Variants in PRRC2C observed in about 807,000 individuals in gnomAD.
PRRC2C encodes the protein protein PRRC2C.
Under a neutral mutation model 317.2 loss-of-function variants are expected in PRRC2C, and 72 were observed. That is an observed-to-expected ratio of 0.23 (90% CI 0.19 to 0.28). PRRC2C has a LOEUF of 0.28. Ranked by LOEUF, PRRC2C falls within the 10% of genes least tolerant of loss-of-function variation. The pLI is 1.00. For missense variants in PRRC2C, 3,074 were observed against 3,459.7 expected (o/e 0.89, Z 2.80); for synonymous variants, 1,296 against 1,205.9 (o/e 1.07, Z -1.55).
chr1:171,532,617 A>G lies in PRRC2C; in HGVS notation c.1529A>G (p.Glu510Gly). Residue 510 changes from glutamate to glycine, a missense_variant, in exon 12 of 35, where the codon GAG (glutamate) becomes GGG (glycine). By Grantham distance (98) the Glu-to-Gly change is moderately conservative. This residue lies in a region of PRRC2C where 1,320 missense variants were observed against 1,395.7 expected (regional missense o/e 0.95). Coordinates refer to ENST00000647382, the MANE Select transcript of PRRC2C (RefSeq NM_001387844.1). ...QPSPEEIREREREKEREREKE... is the reference protein window; with the variant it reads ...QPSPEEIRERGREKEREREKE... ...TCTCCAGAGGAAATTAGGGAAAGGG[A>G]GCGAGAAAAAGAACGGGAGCGTGAG... The G allele has an allele frequency of 3.9e-6, 6 of 1,553,338 alleles. No individual in the cohort carries two copies. Among genetic ancestry groups the G allele is most frequent in the Non-Finnish European group, 5.2e-6 (6 of 1,147,964 alleles).
At chr1:171,566,128 A>C in intron 20 of PRRC2C, 105 bp from the exon 21 acceptor site, 1 of 853,644 alleles carries the variant, frequency 1.2e-6, no homozygotes. Flanking sequence ...GTTAATATGT[A>C]GATTGTCTTA....
chr1:171,583,668 T>TA (rs1203473403), intron 28 of PRRC2C, among the ~76,000 whole-genome samples: 1 of 152,228 alleles, frequency 6.6e-6, no homozygotes, highest in Admixed American at 6.5e-5. Context: ...ACTGAACTGT[T>TA]AGGACTGTAG....
intron 1 of PRRC2C, among the ~76,000 whole-genome samples, chr1:171,490,603 C>T (rs545521117): frequency 6.6e-5 from 10 of 152,010 alleles, no homozygotes; most frequent in Non-Finnish European, 1.5e-4. Context: ...AAGGGAAGAA[C>T]AAGACAAAAT....
rs992637396 is a variant in PRRC2C at position 171,488,973 on chromosome 1, A to G, written c.-58+3238A>G. ...AACTATTGGGTATTATGTATGTAGC[A>G]TACTACATAGCAATATGTACTACAT... On this transcript the variant is annotated intron_variant, in intron 1 of 34. Coordinates refer to ENST00000647382, the MANE Select transcript of PRRC2C (RefSeq NM_001387844.1). Among the ~76,000 whole-genome samples, 3 of 152,208 alleles carry G rather than the reference A, an allele frequency of 2.0e-5. No individual in the cohort carries two copies. In the South Asian group the frequency reaches 6.2e-4, roughly 32 times the overall value.
intron 26 of PRRC2C, 137 bp from the exon 27 acceptor site, chr1:171,579,217 T>C (rs1647946566): frequency 8.2e-7 from 1 of 1,224,008 alleles, no homozygotes; most frequent in East Asian, 2.6e-5. Context: ...TTGTCACGTT[T>C]TTAGTTTTTC....
chr1:171,570,642 AAT>A (rs895222205), intron 23 of PRRC2C, among the ~76,000 whole-genome samples: 1 of 152,198 alleles, frequency 6.6e-6, no homozygotes, highest in African/African-American at 2.4e-5. Flanking sequence ...GTGAGTTTCT[AAT>A]ATCTTAAAGT....
chr1:171,508,746 T>C (rs1670726118), intron 1 of PRRC2C, among the ~76,000 whole-genome samples: 1 of 152,268 alleles, frequency 6.6e-6, no homozygotes, highest in Non-Finnish European at 1.5e-5. Context: ...GCTTGCTTAC[T>C]AACATTTCTC....
At chr1:171,496,837 G>C (rs1668203939) in intron 1 of PRRC2C, among the ~76,000 whole-genome samples, 1 of 150,634 alleles carries the variant, frequency 6.6e-6, no homozygotes, top group Admixed American at 6.6e-5. Context: ...GTCTCACTCT[G>C]TTACCCAGGC....
At position 171,569,329 on chromosome 1, in the gene PRRC2C, A is replaced by G. The variant is rs780384108; in HGVS notation, c.6651+990A>G. 7.3e-5 allele frequency among the ~76,000 whole-genome samples: 11 copies of G among 151,488 alleles called. 1 individual carries two copies. The highest frequency in any genetic ancestry group is 4.2e-4 in the South Asian group (2 of 4,802). On this transcript the variant is annotated intron_variant, in intron 23 of 34. Coordinates refer to ENST00000647382, the MANE Select transcript of PRRC2C (RefSeq NM_001387844.1). ...TTTATTATCTTCTTACTTTTTTTCT[A>G]TGCTTTCTATTCTTCCCTCTAGCAT...
At chr1:171,521,872 T>C (rs930078082) in intron 6 of PRRC2C, among the ~76,000 whole-genome samples, 1 of 152,244 alleles carries the variant, frequency 6.6e-6, no homozygotes, top group Non-Finnish European at 1.5e-5. Flanking sequence ...ATCTCATTGA[T>C]ACAGTTACTT....
chr1:171,587,940 T>G (rs184301729), intron 32 of PRRC2C, among the ~76,000 whole-genome samples, 189 bp downstream of exon 32: 334 of 152,324 alleles, frequency 2.2e-3, no homozygotes, highest in African/African-American at 7.8e-3. Flanking sequence ...TACTATATTT[T>G]AAGTAAATTC....
At chr1:171,525,055 G>T in intron 10 of PRRC2C, 90 bp downstream of exon 10, 1 of 1,089,180 alleles carries the variant, frequency 9.2e-7, no homozygotes, top group South Asian at 2.7e-5. Context: ...TCTTACCACA[G>T]AGTGGAACGG....
Position 171,514,646 on chromosome 1 carries a change from G to C in PRRC2C, c.400+1G>C. 6.4e-7 allele frequency: 1 copy of C among 1,554,236 alleles called. No individual in the cohort carries two copies. The highest frequency in any genetic ancestry group is 8.7e-7 in the Non-Finnish European group (1 of 1,148,386). On this transcript the variant is annotated splice_donor_variant, in intron 4 of 34. Coordinates refer to ENST00000647382, the MANE Select transcript of PRRC2C (RefSeq NM_001387844.1). LOFTEE classifies it high-confidence loss of function. The stretch of plus-strand genomic sequence containing the variant: ...AACAAGCAAGGTGGGCAAGGAGATG[G>C]TAAGTGGACATTAGTTGGGGAAGCT...
At chr1:171,573,772 G>A (rs926150193) in intron 24 of PRRC2C, among the ~76,000 whole-genome samples, 6 of 135,780 alleles carry the variant, frequency 4.4e-5, no homozygotes, top group African/African-American at 1.1e-4. Flanking sequence ...TCTGCCTCCC[G>A]GGTTCACGCA....
At chr1:171,527,722 C>G in intron 10 of PRRC2C, 69 bp from the exon 11 acceptor site, 1 of 1,365,856 alleles carries the variant, frequency 7.3e-7, no homozygotes, top group African/African-American at 1.4e-5. Flanking sequence ...TGCCACTGCA[C>G]TCCAGCATGG....
At chr1:171,557,061 A>G (rs878924483) in intron 18 of PRRC2C, among the ~76,000 whole-genome samples, 179 bp from the exon 19 acceptor site, 2 of 151,762 alleles carry the variant, frequency 1.3e-5, no homozygotes, top group South Asian at 4.1e-4. Context: ...CTTTTGTCTC[A>G]ATATCATTTT....
Position 171,557,564 on chromosome 1 carries a change from T to G in PRRC2C, c.5452T>G (p.Ser1818Ala). The part of the protein sequence containing the change: ...LAPVSASASV[S>A]ASVPASTSAA... Reference sequence around the variant, plus strand: ...TCCAGTTTCAGCCTCAGCCTCAGTCTCAGCTTCAGTTCCAGCCTCTACTTC... The same window carrying G: ...TCCAGTTTCAGCCTCAGCCTCAGTCGCAGCTTCAGTTCCAGCCTCTACTTC... Residue 1818 changes from serine to alanine, a missense_variant, in exon 19 of 35, where the codon TCA (serine) becomes GCA (alanine). Physicochemically the swap from Ser to Ala is moderately conservative, Grantham distance 99. Coordinates refer to ENST00000647382, the MANE Select transcript of PRRC2C (RefSeq NM_001387844.1). 1 of 1,551,102 alleles carries G rather than the reference T, an allele frequency of 6.4e-7. No homozygotes were observed. Among genetic ancestry groups the G allele is most frequent in the Non-Finnish European group, 8.7e-7 (1 of 1,146,892 alleles).
chr1:171,487,661 G>A (rs1257729755), intron 1 of PRRC2C, among the ~76,000 whole-genome samples: 1 of 152,144 alleles, frequency 6.6e-6, no homozygotes, highest in Non-Finnish European at 1.5e-5. Context: ...AAATGGTGAT[G>A]ATAATAGGAC....
chr1:171,591,312 C>A, intron 34 of PRRC2C: 1 of 858,310 alleles, frequency 1.2e-6, no homozygotes, highest in Non-Finnish European at 1.5e-6. Context: ...AAGCAGGTTC[C>A]CTAAATAAAA....
Sources: gnomAD v4.1 joint callset for allele counts (sites outside exome capture counted in the v4.1 genomes callset) on GRCh38, gnomAD v4.1.1 for gene constraint, gnomAD v4.1.1 regional missense constraint, MANE v1.5 for transcripts, NCBI Gene and HGNC (gene_info 2026-07-23, HGNC 2026-07-21) for gene names.